Variants in H2AC11 observed in about 807,000 individuals in gnomAD.
The protein encoded by H2AC11 is histone H2A type 1.
Under a neutral mutation model 5.9 loss-of-function variants are expected in H2AC11, and 8 were observed. The ratio of observed to expected loss-of-function variants is 1.35; its 90% CI spans 0.79 to 2.44. The LOEUF (loss-of-function observed/expected upper bound fraction) is 2.44. H2AC11 is among the 30% of genes most tolerant of loss of function. The pLI is 0.00. For missense variants in H2AC11, 189 were observed against 178.6 expected, an observed-to-expected ratio of 1.06 and a Z score of -0.33; for synonymous variants, 161 against 81.9, an observed-to-expected ratio of 1.96 and a Z score of -5.21.
rs777055011 is a variant in H2AC11, at chr6:27,133,097, G to A, written c.26G>A (p.Gly9Asp). Reference protein sequence around the residue: MSGRGKQGGKARAKAKTRS... With the variant: MSGRGKQGDKARAKAKTRS... ...ATGTCTGGACGTGGCAAGCAGGGAG[G>A]CAAAGCCCGCGCTAAGGCCAAGACT... Residue 9 changes from glycine to aspartate, a missense_variant, in exon 1 of 1, where the codon GGC (glycine) becomes GAC (aspartate). Physicochemically the swap from Gly to Asp is moderately conservative, Grantham distance 94. Coordinates refer to ENST00000359193, the MANE Select transcript of H2AC11 (RefSeq NM_021064.5). 1.9e-6 allele frequency: 3 copies of A among 1,613,184 alleles called. No individual in the cohort carries two copies. Among genetic ancestry groups the A allele is most frequent in the Admixed American group, 1.7e-5 (1 of 59,968 alleles).
rs1199356991 is a variant in H2AC11 at position 27,133,245 on chromosome 6, C to T, written c.174C>T (p.Tyr58=). Residue 58 remains tyrosine (Y), a synonymous_variant, in exon 1 of 1, where the codon TAC becomes TAT. Coordinates refer to ENST00000359193, the MANE Select transcript of H2AC11 (RefSeq NM_021064.5). ...TGTATCTGGCAGCGGTGCTGGAGTA[C>T]CTGACCGCCGAGATCCTGGAACTGG... is the stretch of plus-strand genomic sequence containing the variant. The part of the protein sequence containing the change: ...APVYLAAVLE[Y]LTAEILELAG... 7 of 1,614,030 alleles carry T rather than the reference C, an allele frequency of 4.3e-6. No homozygotes were observed. In the Admixed American group the frequency reaches 6.7e-5, roughly 15 times the overall value.
Position 27,133,491 on chromosome 6 carries a change from A to G in H2AC11, c.*27A>G. On this transcript the variant is annotated 3_prime_UTR_variant, in exon 1 of 1. Coordinates refer to ENST00000359193, the MANE Select transcript of H2AC11 (RefSeq NM_021064.5). ...TATCTGTACTAGTTTGTGGCAGCTCAAGTAAAATCGAGTCCAAACCAACGG... is the reference window on the plus strand; with the variant it reads ...TATCTGTACTAGTTTGTGGCAGCTCGAGTAAAATCGAGTCCAAACCAACGG... The G allele has an allele frequency of 6.3e-7, 1 of 1,599,418 alleles. No homozygotes were observed. Among genetic ancestry groups the G allele is most frequent in the East Asian group, 2.2e-5 (1 of 44,592 alleles).
At position 27,133,232 on chromosome 6, in the gene H2AC11, C is replaced by T. The variant is rs775526137; in HGVS notation, c.161C>T (p.Ala54Val). Reference protein sequence around the residue: ...VGAGAPVYLAAVLEYLTAEIL... With the variant: ...VGAGAPVYLAVVLEYLTAEIL... ...GCCGGCGCGCCGGTGTATCTGGCAG[C>T]GGTGCTGGAGTACCTGACCGCCGAG... Residue 54 changes from alanine (A) to valine (V), a missense_variant, in exon 1 of 1, where the codon GCG (alanine) becomes GTG (valine). By Grantham distance (64) the Ala-to-Val change is moderately conservative (BLOSUM62 0). Coordinates refer to ENST00000359193, the MANE Select transcript of H2AC11 (RefSeq NM_021064.5). 6.8e-6 allele frequency: 11 copies of T among 1,614,156 alleles called. No homozygotes were observed. Among genetic ancestry groups the T allele is most frequent in the Non-Finnish European group, 7.6e-6 (9 of 1,180,040 alleles).
In H2AC11 at chr6:27,133,101, A is replaced by G. The variant is rs529688508; in HGVS notation, c.30A>G (p.Lys10=). 1.6e-4 allele frequency: 262 copies of G among 1,613,210 alleles called. No homozygotes were observed. Among genetic ancestry groups the G allele is most frequent in the Non-Finnish European group, 2.0e-4 (239 of 1,179,568 alleles). The part of the protein sequence containing the change: MSGRGKQGG[K]ARAKAKTRSS... Reference sequence around the variant, plus strand: ...CTGGACGTGGCAAGCAGGGAGGCAAAGCCCGCGCTAAGGCCAAGACTCGCT... The same window carrying G: ...CTGGACGTGGCAAGCAGGGAGGCAAGGCCCGCGCTAAGGCCAAGACTCGCT... Residue 10 remains lysine, a synonymous_variant, in exon 1 of 1, where the codon AAA becomes AAG. Transcript: ENST00000359193.
chr6:27,133,308 C>T lies in H2AC11; in HGVS notation c.237C>T (p.Ile79=), dbSNP rs753021077. Residue 79 remains isoleucine, a synonymous_variant, in exon 1 of 1, where the codon ATC becomes ATT. Transcript: ENST00000359193. ...CCCGCGACAACAAGAAGACCCGCAT[C>T]ATCCCGCGTCATCTCCAACTGGCCA... The part of the protein sequence containing the change: ...NAARDNKKTR[I]IPRHLQLAIR... 12 of 1,614,072 alleles carry T rather than the reference C, an allele frequency of 7.4e-6. No homozygotes were observed. The highest frequency in any genetic ancestry group is 1.3e-5 in the African/African-American group (1 of 74,936).
In H2AC11 at chr6:27,133,413, C is replaced by T. The variant is rs1320772737; in HGVS notation, c.342C>T (p.Ala114=). ...AQGGVLPNIQ[A]VLLPKKTESH... is the part of the protein sequence containing the mutation. ...GCGGTGTCCTGCCCAACATTCAGGCCGTGCTACTGCCCAAAAAGACTGAGA... is the reference window on the plus strand; with the variant it reads ...GCGGTGTCCTGCCCAACATTCAGGCTGTGCTACTGCCCAAAAAGACTGAGA... Residue 114 remains alanine, a synonymous_variant, in exon 1 of 1, where the codon GCC becomes GCT. Coordinates refer to ENST00000359193, the MANE Select transcript of H2AC11 (RefSeq NM_021064.5). 8 of 1,614,220 alleles carry T rather than the reference C, an allele frequency of 5.0e-6. No individual in the cohort carries two copies. Among genetic ancestry groups the T allele is most frequent in the African/African-American group, 4.0e-5 (3 of 75,052 alleles).
Position 27,133,260 on chromosome 6 carries a change from C to T in H2AC11, c.189C>T (p.Ile63=), listed in dbSNP as rs756874195. The T allele has an allele frequency of 6.2e-6, 10 of 1,614,092 alleles. No homozygotes were observed. Among genetic ancestry groups the T allele is most frequent in the Middle Eastern group, 1.6e-4 (1 of 6,070 alleles). ...TGCTGGAGTACCTGACCGCCGAGAT[C>T]CTGGAACTGGCGGGCAACGCGGCCC... ...AAVLEYLTAE[I]LELAGNAARD... Residue 63 remains isoleucine, a synonymous_variant, in exon 1 of 1, where the codon ATC becomes ATT. Coordinates refer to ENST00000359193, the MANE Select transcript of H2AC11 (RefSeq NM_021064.5).
Position 27,133,121 on chromosome 6 carries a change from C to G in H2AC11, c.50C>G (p.Thr17Ser), listed in dbSNP as rs143889701. 7 of 1,613,866 alleles carry G rather than the reference C, an allele frequency of 4.3e-6. No individual in the cohort carries two copies. Among genetic ancestry groups the G allele is most frequent in the Non-Finnish European group, 5.9e-6 (7 of 1,179,938 alleles). ...QGGKARAKAKTRSSRAGLQFP... is the reference protein window; with the variant it reads ...QGGKARAKAKSRSSRAGLQFP... ...GGCAAAGCCCGCGCTAAGGCCAAGA[C>G]TCGCTCTTCTAGGGCCGGTCTCCAG... Residue 17 changes from threonine to serine, a missense_variant, in exon 1 of 1, where the codon ACT (threonine) becomes AGT (serine). Coordinates refer to ENST00000359193, the MANE Select transcript of H2AC11 (RefSeq NM_021064.5).
Position 27,133,060 on chromosome 6 carries a change from G to C in H2AC11, c.-12G>C. On this transcript the variant is annotated 5_prime_UTR_variant, in exon 1 of 1. Transcript: ENST00000359193. ...TTCACTTTGTGGTTGCTCGTAGTGA[G>C]TTGCGCTCGCTATGTCTGGACGTGG... 3.1e-6 allele frequency: 5 copies of C among 1,602,018 alleles called. No individual in the cohort carries two copies. The African/African-American group carries it at 4.0e-5, about 13-fold the overall frequency.
At position 27,133,419 on chromosome 6, in the gene H2AC11, A is replaced by G. The variant is rs777547719; in HGVS notation, c.348A>G (p.Leu116=). 8 of 1,614,140 alleles carry G rather than the reference A, an allele frequency of 5.0e-6. No individual in the cohort carries two copies. The highest frequency in any genetic ancestry group is 1.6e-4 in the Middle Eastern group (1 of 6,084). ...TCCTGCCCAACATTCAGGCCGTGCT[A>G]CTGCCCAAAAAGACTGAGAGCCACC... is the stretch of plus-strand genomic sequence containing the variant. ...GGVLPNIQAV[L]LPKKTESHHK... The change falls in exon 1 of 1, where the codon CTA becomes CTG. Residue 116 remains leucine, a synonymous_variant. Coordinates refer to ENST00000359193, the MANE Select transcript of H2AC11 (RefSeq NM_021064.5).
Position 27,133,483 on chromosome 6 carries a change from G to C in H2AC11, c.*19G>C. ...CAAGTAACTATCTGTACTAGTTTGT[G>C]GCAGCTCAAGTAAAATCGAGTCCAA... is the stretch of plus-strand genomic sequence containing the variant. On this transcript the variant is annotated 3_prime_UTR_variant, in exon 1 of 1. Coordinates refer to ENST00000359193, the MANE Select transcript of H2AC11 (RefSeq NM_021064.5). 6.2e-7 allele frequency: 1 copy of C among 1,602,878 alleles called. No homozygotes were observed. The highest frequency in any genetic ancestry group is 8.5e-7 in the Non-Finnish European group (1 of 1,172,054).
In H2AC11 at chr6:27,133,291, A is replaced by T; in HGVS notation, c.220A>T (p.Asn74Tyr). 6.2e-7 allele frequency: 1 copy of T among 1,614,040 alleles called. No individual in the cohort carries two copies. The highest frequency in any genetic ancestry group is 8.5e-7 in the Non-Finnish European group (1 of 1,180,010). Residue 74 changes from asparagine (N) to tyrosine (Y), a missense_variant, in exon 1 of 1, where the codon AAC (asparagine) becomes TAC (tyrosine). Coordinates refer to ENST00000359193, the MANE Select transcript of H2AC11 (RefSeq NM_021064.5). ...LELAGNAARD[N>Y]KKTRIIPRHL... is the part of the protein sequence containing the mutation. ...ACTGGCGGGCAACGCGGCCCGCGAC[A>T]ACAAGAAGACCCGCATCATCCCGCG...
In H2AC11 at chr6:27,133,069, G is replaced by T; in HGVS notation, c.-3G>T. 1.2e-6 allele frequency: 2 copies of T among 1,606,498 alleles called. No homozygotes were observed. The highest frequency in any genetic ancestry group is 8.5e-7 in the Non-Finnish European group (1 of 1,175,612). ...TGGTTGCTCGTAGTGAGTTGCGCTCGCTATGTCTGGACGTGGCAAGCAGGG... is the reference window on the plus strand; with the variant it reads ...TGGTTGCTCGTAGTGAGTTGCGCTCTCTATGTCTGGACGTGGCAAGCAGGG... On this transcript the variant is annotated 5_prime_UTR_variant, in exon 1 of 1. Transcript: ENST00000359193.
Position 27,133,480 on chromosome 6 carries a change from T to C in H2AC11, c.*16T>C. The stretch of plus-strand genomic sequence containing the variant: ...GGGCAAGTAACTATCTGTACTAGTT[T>C]GTGGCAGCTCAAGTAAAATCGAGTC... On this transcript the variant is annotated 3_prime_UTR_variant, in exon 1 of 1. Transcript: ENST00000359193. 2 of 1,603,784 alleles carry C rather than the reference T, an allele frequency of 1.2e-6. No individual in the cohort carries two copies. Among genetic ancestry groups the C allele is most frequent in the Non-Finnish European group, 1.7e-6 (2 of 1,172,596 alleles).
At position 27,133,286 on chromosome 6, in the gene H2AC11, G is replaced by A. The variant is rs942682368; in HGVS notation, c.215G>A (p.Arg72His). The change falls in exon 1 of 1, where the codon CGC (arginine) becomes CAC (histidine). Residue 72 changes from arginine (R) to histidine (H), a missense_variant. By Grantham distance (29) the Arg-to-His change is conservative (BLOSUM62 0). Transcript: ENST00000359193. ...EILELAGNAA[R>H]DNKKTRIIPR... ...CTGGAACTGGCGGGCAACGCGGCCC[G>A]CGACAACAAGAAGACCCGCATCATC... 1 of 1,614,038 alleles carries A rather than the reference G, an allele frequency of 6.2e-7. No homozygotes were observed.
rs749677171 is a variant in H2AC11 at position 27,133,209 on chromosome 6, C to T, written c.138C>T (p.Ala46=). 3.7e-6 allele frequency: 6 copies of T among 1,614,034 alleles called. No homozygotes were observed. In the South Asian group the frequency reaches 4.4e-5, roughly 12 times the overall value. The change falls in exon 1 of 1, where the codon GCC becomes GCT. Residue 46 remains alanine, a synonymous_variant. Coordinates refer to ENST00000359193, the MANE Select transcript of H2AC11 (RefSeq NM_021064.5). ...GCAACTATGCCGAGCGGGTCGGGGC[C>T]GGCGCGCCGGTGTATCTGGCAGCGG... ...RKGNYAERVG[A]GAPVYLAAVL...
chr6:27,133,422 G>C lies in H2AC11; in HGVS notation c.351G>C (p.Leu117=). Residue 117 remains leucine, a synonymous_variant, in exon 1 of 1, where the codon CTG becomes CTC. Transcript: ENST00000359193. ...GVLPNIQAVL[L]PKKTESHHKA... is the part of the protein sequence containing the mutation. ...TGCCCAACATTCAGGCCGTGCTACTGCCCAAAAAGACTGAGAGCCACCACA... is the reference window on the plus strand; with the variant it reads ...TGCCCAACATTCAGGCCGTGCTACTCCCCAAAAAGACTGAGAGCCACCACA... 1 of 1,614,196 alleles carries C rather than the reference G, an allele frequency of 6.2e-7. No individual in the cohort carries two copies. The highest frequency in any genetic ancestry group is 8.5e-7 in the Non-Finnish European group (1 of 1,180,026).
At position 27,133,300 on chromosome 6, in the gene H2AC11, ACCCGCATCAT is replaced by A; in HGVS notation, c.235_244del (p.Ile79ValfsTer54). ...CAACGCGGCCCGCGACAACAAGAAG[ACCCGCATCAT>A]CCCGCGTCATCTCCAACTGGCCATC... is the stretch of plus-strand genomic sequence containing the variant. On this transcript the variant is annotated frameshift_variant, in exon 1 of 1. Transcript: ENST00000359193. LOFTEE classifies it high-confidence loss of function. 4 of 1,613,884 alleles carry A rather than the reference ACCCGCATCAT, an allele frequency of 2.5e-6. No individual in the cohort carries two copies. The highest frequency in any genetic ancestry group is 1.1e-5 in the South Asian group (1 of 91,042).
rs771334923 is a variant in H2AC11 at position 27,133,096 on chromosome 6, G to A, written c.25G>A (p.Gly9Ser). The A allele has an allele frequency of 5.0e-6, 8 of 1,613,094 alleles. No individual in the cohort carries two copies. Among genetic ancestry groups the A allele is most frequent in the African/African-American group, 1.3e-5 (1 of 74,912 alleles). MSGRGKQGGKARAKAKTRS... is the reference protein window; with the variant it reads MSGRGKQGSKARAKAKTRS... ...TATGTCTGGACGTGGCAAGCAGGGAGGCAAAGCCCGCGCTAAGGCCAAGAC... is the reference window on the plus strand; with the variant it reads ...TATGTCTGGACGTGGCAAGCAGGGAAGCAAAGCCCGCGCTAAGGCCAAGAC... The change falls in exon 1 of 1, where the codon GGC becomes AGC. Residue 9 changes from glycine to serine, a missense_variant. Physicochemically the swap from Gly to Ser is moderately conservative, Grantham distance 56. Transcript: ENST00000359193.
Sources: allele counts gnomAD v4.1 joint callset, GRCh38; gene constraint gnomAD v4.1.1; transcripts MANE v1.5; gene names NCBI Gene and HGNC (gene_info 2026-07-23, HGNC 2026-07-21).